Variants in OR51B5 observed in about 807,000 individuals in gnomAD.
The protein encoded by OR51B5 is olfactory receptor family 51 subfamily B member 5, also known as olfactory receptor 51B5.
For missense variants in OR51B5, 456 were observed against 374.6 expected, an observed-to-expected ratio of 1.22 and a Z score of -1.79; for synonymous variants, 186 against 144.8, an observed-to-expected ratio of 1.28 and a Z score of -2.04.
At chr11:5,343,698 A>G, upstream of OR51B5, 1 of 511,826 alleles carries the variant, frequency 2.0e-6, no homozygotes, top group East Asian at 3.1e-5. Context: ...TACTCATACT[A>G]TTTGTATTCT....
intron 1 of OR51B5, chr11:5,402,831 T>A (rs1317262773): frequency 4.2e-6 from 2 of 471,694 alleles, no homozygotes; most frequent in Non-Finnish European, 8.8e-6. Flanking sequence ...TGTCTCTGCA[T>A]CCACCCTGCC....
At chr11:5,373,453 G>A (rs7120969) in intron 1 of OR51B5, among the ~76,000 whole-genome samples, 5,231 of 152,122 alleles carry the variant, frequency 0.034, 299 homozygotes, top group African/African-American at 0.12. Flanking sequence ...GGTTCATCTC[G>A]CTAGGGAGTG....
At chr11:5,448,227 C>G (rs959315968) in intron 1 of OR51B5, among the ~76,000 whole-genome samples, 5 of 152,076 alleles carry the variant, frequency 3.3e-5, no homozygotes, top group Non-Finnish European at 5.9e-5. Flanking sequence ...CTGACCAGAC[C>G]ATAACTGAAC....
intron 1 of OR51B5, among the ~76,000 whole-genome samples, chr11:5,452,430 C>T (rs1290011139): frequency 7.2e-6 from 1 of 139,484 alleles, no homozygotes; most frequent in Non-Finnish European, 1.5e-5. Context: ...GGCGTGAACC[C>T]GGGAGGTGGA....
chr11:5,417,101 C>A (rs964960932), intron 1 of OR51B5, among the ~76,000 whole-genome samples: 5 of 151,748 alleles, frequency 3.3e-5, no homozygotes, highest in African/African-American at 9.7e-5. Flanking sequence ...TGGAACAGAA[C>A]AGAGCCCTCA....
intron 1 of OR51B5, chr11:5,431,687 G>A (rs75051759): frequency 0.065 from 9,880 of 152,610 alleles, 374 homozygotes; most frequent in South Asian, 0.095. Context: ...CTGCCTTAGC[G>A]GCCAACCTGA....
chr11:5,391,685 A>G (rs1849797059), intron 1 of OR51B5: 1 of 152,142 alleles, frequency 6.6e-6, no homozygotes, highest in Non-Finnish European at 1.5e-5. Context: ...TCCCAGTTCT[A>G]CTTTACTCAG....
intron 1 of OR51B5, chr11:5,453,134 C>A: frequency 5.9e-6 from 1 of 169,970 alleles, no homozygotes; most frequent in Non-Finnish European, 1.2e-5. Flanking sequence ...TTGTAGTTAG[C>A]ATATTTCTAT....
rs915387025 is a variant in OR51B5, at chr11:5,418,816, G to A, written n.85-71906C>T. The stretch of plus-strand genomic sequence containing the variant: ...TAGATGCAGCAAACCATCATGGCAC[G>A]TGTATACCTATGTAACAAAGCTGCA... On this transcript the variant is annotated intron_variant and non_coding_transcript_variant, in intron 1 of 4. Transcript: ENST00000415970. 2.7e-5 allele frequency among the ~76,000 whole-genome samples: 4 copies of A among 148,262 alleles called. No individual in the cohort carries two copies. The East Asian group carries it at 7.9e-4, about 29-fold the overall frequency.
chr11:5,383,981 G>C (rs1244721370), intron 1 of OR51B5: 1 of 152,176 alleles, frequency 6.6e-6, no homozygotes, highest in Non-Finnish European at 1.5e-5. Context: ...ACATGGGAGA[G>C]AGGAGGGAGA....
At chr11:5,487,447 G>C (rs369016) in intron 1 of OR51B5, among the ~76,000 whole-genome samples, 146,225 of 152,196 alleles carry the variant, frequency 0.96, 70,279 homozygotes, top group South Asian at 0.99. Context: ...ATGCCACATA[G>C]TGAGCAGACA....
At chr11:5,351,939 G>T in intron 1 of OR51B5, 1 of 1,613,066 alleles carries the variant, frequency 6.2e-7, no homozygotes, top group Non-Finnish European at 8.5e-7. Context: ...AGATTGGTGT[G>T]CGGGTATTGA....
chr11:5,471,125 T>C (rs1851221673), intron 1 of OR51B5, among the ~76,000 whole-genome samples: 3 of 152,230 alleles, frequency 2.0e-5, no homozygotes, highest in African/African-American at 7.2e-5. Context: ...CACATATTCT[T>C]CTTTGTGACT....
chr11:5,499,589 T>C (rs1157558187), intron 1 of OR51B5, among the ~76,000 whole-genome samples: 1 of 152,214 alleles, frequency 6.6e-6, no homozygotes, highest in Non-Finnish European at 1.5e-5. Context: ...TATATTCCTC[T>C]GAAAAGCGTC....
chr11:5,489,954 G>A (rs1005334550), intron 1 of OR51B5, among the ~76,000 whole-genome samples: 4 of 152,192 alleles, frequency 2.6e-5, no homozygotes, highest in African/African-American at 9.7e-5. Flanking sequence ...GTCTTCAGAG[G>A]CATCTGGATT....
chr11:5,497,195 G>A (rs114222469), intron 1 of OR51B5, among the ~76,000 whole-genome samples: 3,801 of 152,212 alleles, frequency 0.025, 144 homozygotes, highest in African/African-American at 0.081. Context: ...TTAAGTGCTG[G>A]TACATATTGA....
In OR51B5 at chr11:5,441,459, A is replaced by G. The variant is rs575802005; in HGVS notation, n.84+64110T>C. ...GGTGAGGCCTGTTTGTATCCCAGGA[A>G]TGCCTGTCAGCTGGAGTGTTGCTGG... On this transcript the variant is annotated intron_variant and non_coding_transcript_variant, in intron 1 of 4. Coordinates refer to the OR51B5 transcript ENST00000415970. The G allele has an allele frequency of 8.7e-6, 14 of 1,613,682 alleles. No individual in the cohort carries two copies. In the South Asian group the frequency reaches 1.3e-4, roughly 15 times the overall value.
At chr11:5,403,121 A>G (rs780591492) in intron 1 of OR51B5, 17 of 471,330 alleles carry the variant, frequency 3.6e-5, no homozygotes, top group African/African-American at 1.0e-4. Flanking sequence ...TGTGGCCACA[A>G]TGCCCTCTCA....
chr11:5,397,821 A>G (rs1277721776), intron 1 of OR51B5, among the ~76,000 whole-genome samples: 1 of 151,306 alleles, frequency 6.6e-6, no homozygotes, highest in African/African-American at 2.4e-5. Flanking sequence ...ACAATGATAG[A>G]CTGGATTAAG....
Sources: gnomAD v4.1 joint callset for allele counts (sites outside exome capture counted in the v4.1 genomes callset) on GRCh38, gnomAD v4.1.1 for gene constraint, MANE v1.5 for transcripts, NCBI Gene and HGNC (gene_info 2026-07-23, HGNC 2026-07-21) for gene names.